The following MDGA2 variants were observed in gnomAD, a reference collection of about 807,000 sequenced individuals.
MDGA2 encodes the protein MAM domain-containing glycosylphosphatidylinositol anchor protein 2.
A neutral mutation model predicts 117.8 loss-of-function variants in MDGA2; 40 were observed. The observed-to-expected ratio is 0.34, with a 90% CI of 0.26 to 0.44. The LOEUF is 0.44. Ranked by LOEUF, MDGA2 falls within the 20% of genes least tolerant of loss-of-function variation. The probability of loss-of-function intolerance (pLI) is 1.00; values close to 1 mark genes in which losing one functional copy is unlikely to be tolerated. For missense variants in MDGA2, 1,123 were observed against 1,250.6 expected, an observed-to-expected ratio of 0.90 and a Z score of 1.54; for synonymous variants, 452 against 439.0, an observed-to-expected ratio of 1.03 and a Z score of -0.37.
chr14:47,422,538 T>C (rs2138509785), intron 1 of MDGA2, among the ~76,000 whole-genome samples: 1 of 152,300 alleles, frequency 6.6e-6, no homozygotes, highest in East Asian at 1.9e-4. Flanking sequence ...AAGCTTAAAT[T>C]AAAGGTATAT....
chr14:47,141,713 T>C (rs919003007), intron 4 of MDGA2, among the ~76,000 whole-genome samples: 12 of 151,874 alleles, frequency 7.9e-5, no homozygotes, highest in Non-Finnish European at 1.6e-4. Context: ...TAGCAGTGGT[T>C]AGAGAGAGGG....
chr14:47,098,680 C>T (rs1880124757), intron 5 of MDGA2, among the ~76,000 whole-genome samples: 1 of 151,816 alleles, frequency 6.6e-6, no homozygotes, highest in Non-Finnish European at 1.5e-5. Context: ...AGGTAAATAG[C>T]ATAATCATAC....
chr14:47,034,301 A>G (rs937512699), intron 8 of MDGA2, among the ~76,000 whole-genome samples: 6 of 152,184 alleles, frequency 3.9e-5, no homozygotes, highest in African/African-American at 1.4e-4. Flanking sequence ...AAAGTCCATA[A>G]TATCTACATT....
At chr14:47,364,422 G>A (rs34621097) in intron 1 of MDGA2, among the ~76,000 whole-genome samples, 26,273 of 151,982 alleles carry the variant, frequency 0.17, 2,527 homozygotes, top group East Asian at 0.41. Flanking sequence ...CCAACACCAC[G>A]CCCAGCTAAT....
intron 6 of MDGA2, among the ~76,000 whole-genome samples, chr14:47,094,508 G>C (rs534485702): frequency 6.6e-6 from 1 of 152,076 alleles, no homozygotes; most frequent in East Asian, 1.9e-4. Flanking sequence ...CATTTTGCCA[G>C]TTGTACATGG....
chr14:47,325,899 G>A (rs1331919817), intron 1 of MDGA2, among the ~76,000 whole-genome samples: 1 of 152,166 alleles, frequency 6.6e-6, no homozygotes, highest in Non-Finnish European at 1.5e-5. Context: ...AAAGAAAGAT[G>A]CATTGGATCA....
intron 8 of MDGA2, among the ~76,000 whole-genome samples, chr14:46,972,773 C>T (rs943192552): frequency 4.6e-5 from 7 of 151,946 alleles, no homozygotes; most frequent in African/African-American, 1.2e-4. Context: ...AACTTTTAAG[C>T]GGGACTCTAT....
chr14:46,922,192 C>A (rs1343763093), intron 9 of MDGA2, among the ~76,000 whole-genome samples: 1 of 151,908 alleles, frequency 6.6e-6, no homozygotes, highest in African/African-American at 2.4e-5. Context: ...AAGATGAATA[C>A]CAGTGATTTC....
chr14:47,586,981 T>G (rs1896336842), intron 1 of MDGA2, among the ~76,000 whole-genome samples: 1 of 151,974 alleles, frequency 6.6e-6, no homozygotes, highest in Admixed American at 6.6e-5. Flanking sequence ...AAATAGCTAT[T>G]AATTCTTGGA....
At chr14:47,040,049 T>A (rs1566587775) in intron 7 of MDGA2, among the ~76,000 whole-genome samples, 1 of 152,082 alleles carries the variant, frequency 6.6e-6, no homozygotes, top group African/African-American at 2.4e-5. Context: ...AAATTTATTT[T>A]AAAAAAATTT....
chr14:47,023,080 C>A (rs964661676), intron 8 of MDGA2, among the ~76,000 whole-genome samples: 3 of 151,226 alleles, frequency 2.0e-5, no homozygotes, highest in South Asian at 4.2e-4. Context: ...ACAGAAAGAA[C>A]TGAGTTGATA....
intron 1 of MDGA2, among the ~76,000 whole-genome samples, chr14:47,319,016 G>A (rs944651252): frequency 5.9e-5 from 9 of 152,044 alleles, no homozygotes; most frequent in Non-Finnish European, 1.3e-4. Context: ...TTTAACCTGA[G>A]GAGTAAAGAC....
At chr14:46,871,755 C>T (rs1882007712) in intron 14 of MDGA2, 2 of 164,810 alleles carry the variant, frequency 1.2e-5, no homozygotes, top group South Asian at 3.1e-4. Context: ...AAGGTTCAGA[C>T]ATTTTAAGTG....
chr14:47,442,362 C>CA (rs1893030756), intron 1 of MDGA2, among the ~76,000 whole-genome samples: 1 of 152,032 alleles, frequency 6.6e-6, no homozygotes, highest in Non-Finnish European at 1.5e-5. Flanking sequence ...GTAAGGCAAA[C>CA]AGTTGTCTGT....
intron 6 of MDGA2, among the ~76,000 whole-genome samples, chr14:47,078,338 A>G (rs566202054): frequency 1.4e-4 from 21 of 152,288 alleles, no homozygotes; most frequent in Admixed American, 7.8e-4. Context: ...TTTGAAAGAT[A>G]TTTGTAGCAA....
At chr14:46,971,404 A>G (rs1046676185) in intron 8 of MDGA2, among the ~76,000 whole-genome samples, 1 of 152,176 alleles carries the variant, frequency 6.6e-6, no homozygotes, top group Admixed American at 6.5e-5. Context: ...CATGTCATGC[A>G]GTAGCATGGA....
At chr14:47,039,830 A>G (rs901669826) in intron 7 of MDGA2, among the ~76,000 whole-genome samples, 1 of 152,154 alleles carries the variant, frequency 6.6e-6, no homozygotes, top group African/African-American at 2.4e-5. Context: ...TTCAGTGTGT[A>G]AAACATGTTA....
chr14:47,167,003 C>A (rs1883907932), intron 3 of MDGA2, among the ~76,000 whole-genome samples: 1 of 152,108 alleles, frequency 6.6e-6, no homozygotes, highest in Admixed American at 6.6e-5. Context: ...CATCTCTGGT[C>A]TGGGCTTAGC....
chr14:46,845,756 A>T lies in MDGA2; in HGVS notation c.2989+10T>A. On this transcript the variant is annotated intron_variant, in intron 16 of 16. Transcript: ENST00000399232. ...GTTACAACAAACCAATCTCAAGCAA[A>T]GATACTTACTCTTAGTTGCTAGGTC... The T allele has an allele frequency of 1.3e-6, 2 of 1,559,744 alleles. No homozygotes were observed. The highest frequency in any genetic ancestry group is 2.3e-5 in the South Asian group (2 of 88,270).
Sources: gnomAD v4.1 joint callset for allele counts (sites outside exome capture counted in the v4.1 genomes callset) on GRCh38, gnomAD v4.1.1 for gene constraint, MANE v1.5 for transcripts, NCBI Gene and HGNC (gene_info 2026-07-23, HGNC 2026-07-21) for gene names.